FANCD2: variants seen among roughly 807,000 people sequenced by gnomAD.
FANCD2 encodes FA complementation group D2, also known as Fanconi anemia group D2 protein.
In FANCD2, 131 loss-of-function variants were observed where a neutral mutation model predicts 192.3. The ratio of observed to expected loss-of-function variants is 0.68; its 90% CI spans 0.59 to 0.79. The LOEUF (loss-of-function observed/expected upper bound fraction) is 0.79, where lower values mean the gene tolerates loss of function less well. FANCD2 is among the 30% of genes least tolerant of loss of function. The pLI is 0.00. For synonymous variants in FANCD2, 524 were observed against 612.5 expected, an observed-to-expected ratio of 0.86 and a Z score of 2.13; for missense variants, 1,508 against 1,701.6, an observed-to-expected ratio of 0.89 and a Z score of 2.00.
chr3:10,077,549 T>G (rs1693603681), intron 29 of FANCD2, among the ~76,000 whole-genome samples: 3 of 147,992 alleles, frequency 2.0e-5, no homozygotes, highest in Admixed American at 1.3e-4. Flanking sequence ...AACAAGACTC[T>G]GTCTCAAAAA....
Position 10,060,308 on chromosome 3 carries a change from G to A in FANCD2, c.1671G>A (p.Leu557=), listed in dbSNP as rs746726118. 3.1e-6 allele frequency: 5 copies of A among 1,611,220 alleles called. 1 individual carries two copies. Among genetic ancestry groups the A allele is most frequent in the South Asian group, 2.2e-5 (2 of 90,964 alleles). The part of the protein sequence containing the change: ...ASSHIQDDMH[L]VIRKQLSSTV... Reference sequence around the variant, plus strand: ...TCTCATTGCAGGATGACATGCACTTGGTGATAAGAAAGCAGCTCTCTAGCA... The same window carrying A: ...TCTCATTGCAGGATGACATGCACTTAGTGATAAGAAAGCAGCTCTCTAGCA... The change falls in exon 19 of 44, where the codon TTG becomes TTA. Residue 557 remains leucine (L), a synonymous_variant. Coordinates refer to ENST00000675286, the MANE Select transcript of FANCD2 (RefSeq NM_001018115.3).
At chr3:10,075,786 G>C (rs9820100) in intron 29 of FANCD2, among the ~76,000 whole-genome samples, 1 of 142,044 alleles carries the variant, frequency 7.0e-6, no homozygotes, top group African/African-American at 2.6e-5. Context: ...GCTGGAGTGC[G>C]GTGGTGGGAT....
At chr3:10,035,976 G>A (rs564659254) in intron 6 of FANCD2, among the ~76,000 whole-genome samples, 2 of 151,724 alleles carry the variant, frequency 1.3e-5, no homozygotes, top group Non-Finnish European at 2.9e-5. Context: ...TATTCCAATA[G>A]CATATTCTAA....
At chr3:10,054,360 T>C (rs879121352) in intron 18 of FANCD2, among the ~76,000 whole-genome samples, 4 of 113,434 alleles carry the variant, frequency 3.5e-5, no homozygotes, top group East Asian at 4.2e-4. Flanking sequence ...TACGTATATA[T>C]ATATATACGT....
chr3:10,096,906 T>C (rs148444467), intron 42 of FANCD2, among the ~76,000 whole-genome samples: 1 of 152,330 alleles, frequency 6.6e-6, no homozygotes, highest in African/African-American at 2.4e-5. Flanking sequence ...CCTGCCCCGA[T>C]AATCACGTAG....
chr3:10,031,729 C>T (rs921118637), intron 2 of FANCD2, among the ~76,000 whole-genome samples: 51 of 152,266 alleles, frequency 3.3e-4, no homozygotes, highest in African/African-American at 1.2e-3. Flanking sequence ...TTATTCAGAT[C>T]ATTGAGTCTC....
At chr3:10,092,327 T>A in intron 38 of FANCD2, 75 bp downstream of exon 38, 1 of 1,140,770 alleles carries the variant, frequency 8.8e-7, no homozygotes, top group African/African-American at 1.5e-5. Context: ...CAAAATGGAC[T>A]TTCCTTGCTC....
chr3:10,087,384 T>C (rs1694282495), intron 34 of FANCD2, 120 bp downstream of exon 34: 1 of 920,432 alleles, frequency 1.1e-6, no homozygotes, highest in Admixed American at 2.6e-5. Context: ...TAACCTTGGA[T>C]AGGCCCTCTT....
At chr3:10,051,792 A>G (rs545780254) in intron 17 of FANCD2, among the ~76,000 whole-genome samples, 4 of 152,220 alleles carry the variant, frequency 2.6e-5, no homozygotes, top group Admixed American at 2.6e-4. Context: ...CAGACAAACC[A>G]TGAAAGGTAG....
Position 10,028,733 on chromosome 3 carries a change from G to C in FANCD2, c.64+12G>C, listed in dbSNP as rs9833228. 4.4e-3 allele frequency: 7,146 copies of C among 1,608,118 alleles called. 314 individuals carry two copies. The African/African-American group carries it at 0.084, about 19-fold the overall frequency. On this transcript the variant is annotated intron_variant, in intron 2 of 43. Coordinates refer to ENST00000675286, the MANE Select transcript of FANCD2 (RefSeq NM_001018115.3). Reference sequence around the variant, plus strand: ...AGAAGATGCCTCCAGTAAGTATCTAGTCATTTGTTGCTTTATTTCCTGTAG... The same window carrying C: ...AGAAGATGCCTCCAGTAAGTATCTACTCATTTGTTGCTTTATTTCCTGTAG...
At chr3:10,092,102 G>T in intron 37 of FANCD2, 79 bp from the exon 38 acceptor site, 3 of 997,916 alleles carry the variant, frequency 3.0e-6, no homozygotes, top group Non-Finnish European at 4.9e-6. Context: ...TGTAATTCAA[G>T]AACTATATCT....
At chr3:10,086,196 A>G (rs1438634507) in intron 33 of FANCD2, among the ~76,000 whole-genome samples, 1 of 152,332 alleles carries the variant, frequency 6.6e-6, no homozygotes, top group East Asian at 1.9e-4. Context: ...ACCATCTGTA[A>G]TCAACTCTTG....
rs575583508 is a variant in FANCD2 at position 10,081,020 on chromosome 3, G to T, written c.2977-80G>T. 1,882 of 1,523,948 alleles carry T rather than the reference G, an allele frequency of 1.2e-3. 1 individual carries two copies. The highest frequency in any genetic ancestry group is 1.5e-3 in the Non-Finnish European group (1,623 of 1,102,398). 94.4% of individuals were successfully genotyped at this position (1,523,948 alleles called of 1,614,324 possible). A position where few individuals can be genotyped will look rare whatever the true frequency, so the allele number is the denominator to read the frequency against. ...TGCTCCTACCTGGTGACACAGGTTT[G>T]ACTTGACTCCATTGCGAACCCTTAG... On this transcript the variant is annotated intron_variant, in intron 30 of 43. Coordinates refer to ENST00000675286, the MANE Select transcript of FANCD2 (RefSeq NM_001018115.3).
chr3:10,062,309 C>T (rs2087594421), intron 20 of FANCD2, 98 bp downstream of exon 20: 2 of 915,424 alleles, frequency 2.2e-6, no homozygotes, highest in Non-Finnish European at 3.4e-6. Flanking sequence ...GGCAAGATCT[C>T]GGCTCACTGC....
intron 37 of FANCD2, among the ~76,000 whole-genome samples, chr3:10,091,772 G>T (rs1463189449): frequency 6.6e-6 from 1 of 152,128 alleles, no homozygotes; most frequent in Non-Finnish European, 1.5e-5. Flanking sequence ...AACAGCTTAG[G>T]AGAAAACTTG....
In FANCD2 at chr3:10,041,340, G is replaced by A. The variant is rs777904095; in HGVS notation, c.696-283G>A. 21 of 320,492 alleles carry A rather than the reference G, an allele frequency of 6.6e-5. 1 individual carries two copies. The highest frequency in any genetic ancestry group is 1.4e-4 in the Admixed American group (3 of 21,366). 19.9% of individuals were successfully genotyped at this position (320,492 alleles called of 1,614,324 possible). Reference sequence around the variant, plus strand: ...TTTGGGTTTTCTTTTTCCTTTTTGCGGGGAAGGATACATACCAAACTAAAT... The same window carrying A: ...TTTGGGTTTTCTTTTTCCTTTTTGCAGGGAAGGATACATACCAAACTAAAT... On this transcript the variant is annotated intron_variant, in intron 9 of 43. Transcript: ENST00000675286.
chr3:10,072,774 T>G (rs1209494719), intron 26 of FANCD2, 97 bp from the exon 27 acceptor site: 2 of 760,474 alleles, frequency 2.6e-6, no homozygotes, highest in African/African-American at 1.7e-5. Flanking sequence ...TTGGTAATTT[T>G]GGAAACTAGT....
intron 9 of FANCD2, chr3:10,040,775 C>T (rs1398932506): frequency 1.5e-5 from 5 of 337,196 alleles, no homozygotes; most frequent in Non-Finnish European, 2.9e-5. Context: ...TCCAAAACAT[C>T]CAGTGATTTC....
intron 9 of FANCD2, chr3:10,040,514 A>G (rs1366198286): frequency 2.2e-6 from 1 of 456,708 alleles, no homozygotes; most frequent in South Asian, 1.5e-5. Flanking sequence ...CCTATTAAAC[A>G]TCTACCTTCT....
Sources: allele counts gnomAD v4.1 joint callset (sites outside exome capture counted in the v4.1 genomes callset), GRCh38; gene constraint gnomAD v4.1.1; transcripts MANE v1.5; gene names NCBI Gene and HGNC (gene_info 2026-07-23, HGNC 2026-07-21).